TMEM132D: variants seen among roughly 807,000 people sequenced by gnomAD.
The protein encoded by TMEM132D is transmembrane protein 132D, also known as mature OL transmembrane protein.
A neutral mutation model predicts 62.3 loss-of-function variants in TMEM132D; 21 were observed. The observed-to-expected ratio is 0.34, with a 90% confidence interval of 0.24 to 0.49. The LOEUF is 0.49. TMEM132D is among the 20% of genes least tolerant of loss of function. The probability of loss-of-function intolerance (pLI) is 0.99; values close to 1 mark genes in which losing one functional copy is unlikely to be tolerated. For synonymous variants in TMEM132D, 621 were observed against 575.6 expected, an observed-to-expected ratio of 1.08 and a Z score of -1.13; for missense variants, 1,346 against 1,402.8, an observed-to-expected ratio of 0.96 and a Z score of 0.65.
chr12:129,777,741 C>T (rs891001371), intron 1 of TMEM132D, among the ~76,000 whole-genome samples: 1 of 152,124 alleles, frequency 6.6e-6, no homozygotes, highest in Non-Finnish European at 1.5e-5. Flanking sequence ...TTACAAAACA[C>T]AAGCATTATC....
intron 3 of TMEM132D, among the ~76,000 whole-genome samples, chr12:129,427,319 G>A (rs1872528072): frequency 6.6e-6 from 1 of 150,812 alleles, no homozygotes; most frequent in African/African-American, 2.4e-5. Flanking sequence ...ATCAAGAAAG[G>A]AAGCCTCCTT....
At chr12:129,532,446 C>T (rs1024217021) in intron 2 of TMEM132D, among the ~76,000 whole-genome samples, 2 of 152,206 alleles carry the variant, frequency 1.3e-5, no homozygotes, top group Non-Finnish European at 2.9e-5. Context: ...GGGGAGATGA[C>T]ACTCATAGGA....
intron 1 of TMEM132D, among the ~76,000 whole-genome samples, chr12:129,817,124 A>G (rs1026161075): frequency 3.3e-5 from 5 of 152,270 alleles, no homozygotes; most frequent in Non-Finnish European, 5.9e-5. Context: ...CGGAGCAATG[A>G]TAAGTTAATG....
intron 1 of TMEM132D, among the ~76,000 whole-genome samples, chr12:129,815,205 T>C (rs1167387835): frequency 3.3e-5 from 5 of 152,198 alleles, no homozygotes; most frequent in African/African-American, 1.2e-4. Context: ...GATGGATTCA[T>C]ACGCAGCTAT....
intron 2 of TMEM132D, among the ~76,000 whole-genome samples, chr12:129,531,901 CA>C (rs1180732841): frequency 1.9e-4 from 29 of 152,104 alleles, no homozygotes; most frequent in African/African-American, 6.5e-4. Context: ...ACTAAAAATA[CA>C]AAAATTATTT....
chr12:129,245,174 C>G (rs901915017), intron 4 of TMEM132D, among the ~76,000 whole-genome samples: 1 of 152,154 alleles, frequency 6.6e-6, no homozygotes, highest in East Asian at 1.9e-4. Context: ...TCCCACAGAA[C>G]AGTCTCACTG....
intron 5 of TMEM132D, among the ~76,000 whole-genome samples, chr12:129,186,138 C>G (rs1434696778): frequency 1.3e-5 from 2 of 152,244 alleles, no homozygotes; most frequent in Non-Finnish European, 2.9e-5. Flanking sequence ...GGAGTCCACC[C>G]AAGGCCCCCA....
intron 3 of TMEM132D, among the ~76,000 whole-genome samples, chr12:129,449,433 AC>A (rs1035001251): frequency 2.0e-5 from 3 of 152,142 alleles, no homozygotes; most frequent in African/African-American, 7.2e-5. Flanking sequence ...CTAAGTTTCC[AC>A]TAAACCCGCC....
intron 4 of TMEM132D, among the ~76,000 whole-genome samples, chr12:129,250,683 G>C (rs1397010525): frequency 6.6e-6 from 1 of 152,190 alleles, no homozygotes. Flanking sequence ...TAATGACAGA[G>C]CTGCCCACAC....
chr12:129,457,429 G>A (rs1395335289), intron 3 of TMEM132D, among the ~76,000 whole-genome samples: 2 of 132,668 alleles, frequency 1.5e-5, no homozygotes, highest in African/African-American at 2.7e-5. Flanking sequence ...ATCACACACC[G>A]GGGCCTGTTG....
intron 4 of TMEM132D, among the ~76,000 whole-genome samples, chr12:129,335,689 G>A (rs1869248424): frequency 6.6e-6 from 1 of 152,004 alleles, no homozygotes; most frequent in African/African-American, 2.4e-5. Context: ...AAATAAAGGA[G>A]AATTGTCGAA....
chr12:129,090,510 T>G (rs760791566), intron 5 of TMEM132D, among the ~76,000 whole-genome samples: 1 of 151,434 alleles, frequency 6.6e-6, no homozygotes, highest in Non-Finnish European at 1.5e-5. Context: ...ACTAAAAATA[T>G]AAAAAAAATT....
chr12:129,285,612 G>A (rs1423005722), intron 4 of TMEM132D, among the ~76,000 whole-genome samples: 1 of 151,018 alleles, frequency 6.6e-6, no homozygotes, highest in Non-Finnish European at 1.5e-5. Context: ...TACCATTGGT[G>A]TATTACTTGA....
chr12:129,582,746 G>C lies in TMEM132D; in HGVS notation c.969-51541C>G, dbSNP rs558676258. On this transcript the variant is annotated intron_variant, in intron 2 of 8. Transcript: ENST00000422113. ...CGATTCTCCTGCCTCACCTTCCCAA[G>C]TAGCTGTGACTACAGGCACCCATCA... is the stretch of plus-strand genomic sequence containing the variant. 2.0e-3 allele frequency among the ~76,000 whole-genome samples: 299 copies of C among 151,534 alleles called. 1 individual carries two copies. Among genetic ancestry groups the C allele is most frequent in the Non-Finnish European group, 2.1e-3 (143 of 67,914 alleles).
chr12:129,862,757 C>A (rs555289616), intron 1 of TMEM132D, among the ~76,000 whole-genome samples: 5 of 152,164 alleles, frequency 3.3e-5, no homozygotes, highest in Non-Finnish European at 7.4e-5. Flanking sequence ...AAGCCATTTA[C>A]CCCCATGTTG....
intron 5 of TMEM132D, among the ~76,000 whole-genome samples, chr12:129,144,030 G>A (rs995413907): frequency 6.6e-6 from 1 of 152,038 alleles, no homozygotes; most frequent in African/African-American, 2.4e-5. Context: ...TTTTTCTTGC[G>A]GGACCCTTAT....
At chr12:129,140,675 C>T (rs750653882) in intron 5 of TMEM132D, among the ~76,000 whole-genome samples, 1 of 151,948 alleles carries the variant, frequency 6.6e-6, no homozygotes, top group Non-Finnish European at 1.5e-5. Context: ...CCTGTCTCTG[C>T]TAAAAATACA....
At chr12:129,162,037 G>A (rs555774547) in intron 5 of TMEM132D, among the ~76,000 whole-genome samples, 1 of 152,248 alleles carries the variant, frequency 6.6e-6, no homozygotes, top group Admixed American at 6.5e-5. Flanking sequence ...ATGATGTCTT[G>A]GAGAATAATG....
At chr12:129,263,997 G>T (rs1456791248) in intron 4 of TMEM132D, among the ~76,000 whole-genome samples, 2 of 152,192 alleles carry the variant, frequency 1.3e-5, no homozygotes, top group Non-Finnish European at 2.9e-5. Flanking sequence ...GCCAAGGTAA[G>T]GTCATCAGGC....
Sources: gnomAD v4.1 joint callset for allele counts (sites outside exome capture counted in the v4.1 genomes callset) on GRCh38, gnomAD v4.1.1 for gene constraint, MANE v1.5 for transcripts, NCBI Gene and HGNC (gene_info 2026-07-23, HGNC 2026-07-21) for gene names.